The following NAA11 variants were observed in gnomAD, a reference collection of about 807,000 sequenced individuals.
NAA11 encodes N-alpha-acetyltransferase 11.
NAA11 carries 15 observed loss-of-function variants against 16.1 expected under a neutral mutation model. The ratio of observed to expected loss-of-function variants is 0.93; its 90% CI spans 0.62 to 1.44. The LOEUF (loss-of-function observed/expected upper bound fraction) is 1.44. Ranked by LOEUF, NAA11 falls within the 40% of genes most tolerant of loss-of-function variation. NAA11 has a pLI of 0.00. For synonymous variants in NAA11, 122 were observed against 112.4 expected (o/e 1.09, Z -0.54); for missense variants, 298 against 291.3 (o/e 1.02, Z -0.17).
At chr4:79,211,438 T>C in the NAA11 span, among the ~76,000 whole-genome samples, 3 of 152,318 alleles carry the variant, frequency 2.0e-5, no homozygotes, top group African/African-American at 7.2e-5. Flanking sequence ...TATATACATA[T>C]AGAGATATTC....
chr4:79,325,959 C>T lies in NAA11; in HGVS notation c.-82G>A, dbSNP rs1010122159. The T allele has an allele frequency of 3.9e-6, 5 of 1,292,248 alleles. No homozygotes were observed. Among genetic ancestry groups the T allele is most frequent in the Non-Finnish European group, 5.3e-6 (5 of 936,834 alleles). The allele number at this position is 1,292,248 out of a possible 1,614,324, so 80.0% of individuals were successfully genotyped here. A position where few individuals can be genotyped will look rare whatever the true frequency, so the allele number is the denominator to read the frequency against. ...CGACCTTAAGGGGCACTGTTTGCCT[C>T]AGGAATCGAGTCCAGGGGGCTAACA... On this transcript the variant is annotated 5_prime_UTR_variant, in exon 1 of 2. Transcript: ENST00000286794.
chr4:79,189,659 C>T, the NAA11 span, among the ~76,000 whole-genome samples: 1 of 152,168 alleles, frequency 6.6e-6, no homozygotes, highest in African/African-American at 2.4e-5. Context: ...TGATTAGAAA[C>T]TTGATTAGTA....
the NAA11 span, among the ~76,000 whole-genome samples, chr4:79,161,827 C>T: frequency 6.6e-5 from 10 of 152,066 alleles, no homozygotes; most frequent in African/African-American, 1.2e-4. Context: ...GGACTACTGG[C>T]GCATGCCACC....
chr4:79,207,266 A>C, the NAA11 span, among the ~76,000 whole-genome samples: 1 of 150,690 alleles, frequency 6.6e-6, no homozygotes, highest in East Asian at 2.0e-4. Context: ...TGGGCAGCGG[A>C]TATTTGCATT....
At chr4:79,155,531 C>T in the NAA11 span, among the ~76,000 whole-genome samples, 529 of 152,230 alleles carry the variant, frequency 3.5e-3, 1 homozygote, top group African/African-American at 0.012. Flanking sequence ...AAAGGGAGAG[C>T]GTGGATAATC....
intron 2 of NAA11, among the ~76,000 whole-genome samples, chr4:79,246,377 T>TAAA (rs869224539): frequency 6.5e-3 from 145 of 22,270 alleles, no homozygotes; most frequent in Non-Finnish European, 8.1e-3. Context: ...CAATAAATAC[T>TAAA]AAAAAAAAAA....
Position 79,325,583 on chromosome 4 carries a change from T to C in NAA11, c.295A>G (p.Ile99Val). The C allele has an allele frequency of 1.2e-6, 2 of 1,614,094 alleles. No individual in the cohort carries two copies. The highest frequency in any genetic ancestry group is 3.3e-4 in the Middle Eastern group (2 of 6,062). Residue 99 changes from isoleucine (I) to valine (V), a missense_variant, in exon 1 of 2, where the codon ATA becomes GTA. Coordinates refer to ENST00000286794, the MANE Select transcript of NAA11 (RefSeq NM_032693.3). ...KLMDQASRAM[I>V]ENFNAKYVSL... ...ACGTATTTGGCGTTAAAGTTCTCTA[T>C]CATGGCCCTGGAGGCCTGGTCCATC... is the stretch of plus-strand genomic sequence containing the variant.
At chr4:79,261,511 G>T (rs1722243774) in intron 2 of NAA11, among the ~76,000 whole-genome samples, 1 of 152,154 alleles carries the variant, frequency 6.6e-6, no homozygotes, top group South Asian at 2.1e-4. Flanking sequence ...ACTGATTTGG[G>T]AGAAGAGGCA....
chr4:79,247,588 G>A (rs1721868105), intron 2 of NAA11, among the ~76,000 whole-genome samples: 1 of 152,114 alleles, frequency 6.6e-6, no homozygotes, highest in African/African-American at 2.4e-5. Context: ...AGGAACATCT[G>A]CCACCAAGTG....
At chr4:79,203,241 T>G in the NAA11 span, among the ~76,000 whole-genome samples, 13 of 151,890 alleles carry the variant, frequency 8.6e-5, no homozygotes, top group East Asian at 2.5e-3. Context: ...AATGAAATTT[T>G]GACTCCATTA....
chr4:79,192,270 C>A, the NAA11 span, among the ~76,000 whole-genome samples: 3 of 151,686 alleles, frequency 2.0e-5, no homozygotes, highest in Non-Finnish European at 2.9e-5. Context: ...GGTACATGTG[C>A]ACAATGTGCA....
In NAA11 at chr4:79,309,095, T is replaced by A. The variant is rs1723678229; in HGVS notation, c.*13-14981A>T. ...ATCTCTTTTCTTAGGAAGTTTTGAT[T>A]CATACCTATAGTTAATTACTGGTAA... On this transcript the variant is annotated intron_variant and NMD_transcript_variant, in intron 1 of 2. Transcript: ENST00000511542. Among the ~76,000 whole-genome samples, 3 of 144,510 alleles carry A rather than the reference T, an allele frequency of 2.1e-5. No homozygotes were observed. The South Asian group carries it at 6.3e-4, about 30-fold the overall frequency. 94.8% of individuals were successfully genotyped at this position (144,510 alleles called of 152,430 possible).
chr4:79,170,714 T>C, the NAA11 span, among the ~76,000 whole-genome samples: 2 of 152,226 alleles, frequency 1.3e-5, no homozygotes, highest in African/African-American at 4.8e-5. Flanking sequence ...AGAAGTTTTA[T>C]TTCTTCATTA....
At position 79,325,559 on chromosome 4, in the gene NAA11, C is replaced by G. The variant is rs766298013; in HGVS notation, c.319G>C (p.Val107Leu). The change falls in exon 1 of 2, where the codon GTG (valine) becomes CTG (leucine). Residue 107 changes from valine to leucine, a missense_variant. Val to Leu is a conservative substitution (Grantham distance 32). Transcript: ENST00000286794. ...TTACTCTTCCTGACGTGCAGAGACA[C>G]GTATTTGGCGTTAAAGTTCTCTATC... ...AMIENFNAKY[V>L]SLHVRKSNRP... 8.1e-6 allele frequency: 13 copies of G among 1,614,072 alleles called. No individual in the cohort carries two copies. In the Admixed American group the frequency reaches 2.2e-4, roughly 27 times the overall value.
At chr4:79,287,500 GC>G (rs1722969590) in intron 2 of NAA11, among the ~76,000 whole-genome samples, 2 of 151,884 alleles carry the variant, frequency 1.3e-5, no homozygotes, top group South Asian at 4.1e-4. Context: ...ATATTCAGTG[GC>G]CAATGAGGTG....
At chr4:79,272,417 G>A (rs1480815948) in intron 2 of NAA11, among the ~76,000 whole-genome samples, 1 of 151,946 alleles carries the variant, frequency 6.6e-6, no homozygotes, top group African/African-American at 2.4e-5. Flanking sequence ...ACAGTGATTT[G>A]AATTGATATC....
chr4:79,240,761 T>G (rs1466251854), intron 2 of NAA11, among the ~76,000 whole-genome samples: 1 of 152,086 alleles, frequency 6.6e-6, no homozygotes, highest in Non-Finnish European at 1.5e-5. Flanking sequence ...AAGGAGAAAC[T>G]GGGCTGCTGT....
chr4:79,280,218 T>A (rs1722751803), intron 2 of NAA11, among the ~76,000 whole-genome samples: 1 of 149,696 alleles, frequency 6.7e-6, no homozygotes, highest in Admixed American at 6.7e-5. Context: ...ATCAGGCAGA[T>A]TGTGAAGGCT....
At chr4:79,217,060 C>T in the NAA11 span, among the ~76,000 whole-genome samples, 1 of 152,212 alleles carries the variant, frequency 6.6e-6, no homozygotes, top group South Asian at 2.1e-4. Context: ...TCACTGCTTA[C>T]ATCCATGTGG....
Sources: gnomAD v4.1 joint callset for allele counts (sites outside exome capture counted in the v4.1 genomes callset) on GRCh38, gnomAD v4.1.1 for gene constraint, MANE v1.5 for transcripts, NCBI Gene and HGNC (gene_info 2026-07-23, HGNC 2026-07-21) for gene names.